ABR: variants seen among roughly 807,000 people sequenced by gnomAD.
ABR encodes the protein active breakpoint cluster region-related protein.
A neutral mutation model predicts 107.2 loss-of-function variants in ABR; 35 were observed. The observed-to-expected ratio is 0.33, with a 90% CI of 0.25 to 0.43. The LOEUF is 0.43. Ranked by LOEUF, ABR falls within the 20% of genes least tolerant of loss-of-function variation. The pLI is 1.00. For synonymous variants in ABR, 498 were observed against 462.0 expected, an observed-to-expected ratio of 1.08 and a Z score of -1.00; for missense variants, 815 against 1,115.2, an observed-to-expected ratio of 0.73 and a Z score of 3.83.
chr17:1,018,412 C>T (rs957728320), intron 16 of ABR, among the ~76,000 whole-genome samples: 4 of 152,196 alleles, frequency 2.6e-5, no homozygotes, highest in African/African-American at 7.2e-5. Context: ...TGTTTTGAGA[C>T]CACCCCTTCT....
In ABR at chr17:1,133,243, G is replaced by GAA. The variant is rs35915671; in HGVS notation, c.62-7878_62-7877dup. On this transcript the variant is annotated intron_variant, in intron 1 of 22. Transcript: ENST00000302538. ...GGCAGCAAGAGCAAAACTCCGTCTCGAAAAAAAAAAAAAAAGTTGGCCCAA... is the reference window on the plus strand; with the variant it reads ...GGCAGCAAGAGCAAAACTCCGTCTCGAAAAAAAAAAAAAAAAAGTTGGCCCAA... 1.3e-3 allele frequency among the ~76,000 whole-genome samples: 184 copies of GAA among 138,322 alleles called. No individual in the cohort carries two copies. In the Middle Eastern group the frequency reaches 0.015, roughly 11 times the overall value. The allele number at this position is 138,322 out of a possible 152,430, so 90.7% of individuals were successfully genotyped here.
At chr17:1,061,172 A>G (rs150382830) in intron 10 of ABR, among the ~76,000 whole-genome samples, 1 of 152,156 alleles carries the variant, frequency 6.6e-6, no homozygotes, top group African/African-American at 2.4e-5. Context: ...CAGGCAGCAC[A>G]GCCAGTGGGG....
chr17:1,140,543 A>G (rs1417574624), intron 1 of ABR, among the ~76,000 whole-genome samples: 1 of 152,192 alleles, frequency 6.6e-6, no homozygotes, highest in Non-Finnish European at 1.5e-5. Flanking sequence ...CACCTCACCT[A>G]CAACAATAAG....
At chr17:1,161,357 T>G (rs2041284776) in intron 1 of ABR, among the ~76,000 whole-genome samples, 1 of 151,724 alleles carries the variant, frequency 6.6e-6, no homozygotes, top group South Asian at 2.1e-4. Context: ...TCCTCCCACC[T>G]CAGCCTCCCA....
intron 16 of ABR, among the ~76,000 whole-genome samples, chr17:1,030,384 T>C (rs952462904): frequency 1.3e-5 from 2 of 152,208 alleles, no homozygotes; most frequent in Non-Finnish European, 2.9e-5. Context: ...GGCTGGTGCC[T>C]GCTGGCCTCA....
chr17:1,123,984 C>G (rs753283835), intron 2 of ABR, among the ~76,000 whole-genome samples: 17 of 152,244 alleles, frequency 1.1e-4, no homozygotes, highest in Admixed American at 7.2e-4. Context: ...CCACCTGCCC[C>G]CCGCCAGCCC....
At chr17:1,014,338 G>A (rs949099440) in intron 16 of ABR, among the ~76,000 whole-genome samples, 1 of 132,806 alleles carries the variant, frequency 7.5e-6, no homozygotes, top group African/African-American at 2.9e-5. Flanking sequence ...CTACTTGGGA[G>A]GCTGAGGCAG....
rs553512508 is a variant in ABR, at chr17:1,179,708, C to T, written c.20G>A (p.Arg7Gln). The T allele has an allele frequency of 1.3e-5, 19 of 1,465,524 alleles. 1 individual carries two copies. In the South Asian group the frequency reaches 2.2e-4, roughly 17 times the overall value. The allele number at this position is 1,465,524 out of a possible 1,614,324, so 90.8% of individuals were successfully genotyped here. Residue 7 changes from arginine (R) to glutamine (Q), a missense_variant, in exon 1 of 23, where the codon CGG (arginine) becomes CAG (glutamine). Physicochemically the swap from Arg to Gln is conservative, Grantham distance 43. Coordinates refer to ENST00000302538, the MANE Select transcript of ABR (RefSeq NM_021962.5). This position sits in a 1 kb window ranked among gnomAD's most constrained non-coding sequence, Gnocchi z 4.9. The stretch of plus-strand genomic sequence containing the variant: ...GATCCAGGACAGGCGCGGCAGGCCC[C>T]GGTGGCTGAGCGGCTCCATCCCGCG... Reference protein sequence around the residue: MEPLSHRGLPRLSWIDT... With the variant: MEPLSHQGLPRLSWIDT...
intron 13 of ABR, among the ~76,000 whole-genome samples, 171 bp from the exon 14 acceptor site, chr17:1,056,280 T>C (rs1567666454): frequency 6.6e-6 from 1 of 152,046 alleles, no homozygotes; most frequent in Non-Finnish European, 1.5e-5. Context: ...GCCTTATATG[T>C]GAGCTGCCCG....
At chr17:1,112,124 C>T (rs2038708206) in intron 2 of ABR, among the ~76,000 whole-genome samples, 1 of 152,238 alleles carries the variant, frequency 6.6e-6, no homozygotes, top group African/African-American at 2.4e-5. Context: ...CGTACTTCCC[C>T]ACTTTGGCTC....
At chr17:1,211,721 A>C (rs539665355) in intron 1 of ABR, among the ~76,000 whole-genome samples, 1 of 152,326 alleles carries the variant, frequency 6.6e-6, no homozygotes, top group African/African-American at 2.4e-5. Flanking sequence ...CAGAACCTGC[A>C]TCCTTTACTG....
At chr17:1,079,164 G>A (rs538488132) in intron 6 of ABR, 166 bp downstream of exon 6, 177 of 1,451,764 alleles carry the variant, frequency 1.2e-4, no homozygotes, top group Non-Finnish European at 1.5e-4. Flanking sequence ...TCGCGTGCGC[G>A]CACACGCGCA....
chr17:1,143,779 A>C (rs1046081964), intron 1 of ABR, among the ~76,000 whole-genome samples: 1 of 152,112 alleles, frequency 6.6e-6, no homozygotes, highest in Non-Finnish European at 1.5e-5. Flanking sequence ...AAGGAATCAT[A>C]GTTCTTGGAC....
chr17:1,012,781 G>A lies in ABR; in HGVS notation c.1868C>T (p.Ser623Phe). ...CATATCTCGGCTGGTGAATTTCATGGAAAATTCCACTTTGATCTGGTTGGG... is the reference window on the plus strand; with the variant it reads ...CATATCTCGGCTGGTGAATTTCATGAAAAATTCCACTTTGATCTGGTTGGG... ...IEMNGIKVEFSMKFTSRDMSL... is the reference protein window; with the variant it reads ...IEMNGIKVEFFMKFTSRDMSL... The change falls in exon 18 of 23, where the codon TCC (serine) becomes TTC (phenylalanine). Residue 623 changes from serine (S) to phenylalanine (F), a missense_variant. By Grantham distance (155) the Ser-to-Phe change is radical. Coordinates refer to ENST00000302538, the MANE Select transcript of ABR (RefSeq NM_021962.5). 1 of 1,588,234 alleles carries A rather than the reference G, an allele frequency of 6.3e-7. No individual in the cohort carries two copies. The highest frequency in any genetic ancestry group is 1.1e-5 in the South Asian group (1 of 87,316).
At chr17:1,043,895 C>T (rs1395024539) in intron 16 of ABR, among the ~76,000 whole-genome samples, 2 of 152,198 alleles carry the variant, frequency 1.3e-5, no homozygotes, top group African/African-American at 4.8e-5. Flanking sequence ...GAGGGAATGA[C>T]GCAGGGCCGG....
rs543077118 is a variant in ABR at position 1,221,583 on chromosome 17, A to G, written c.838+7210T>C. On this transcript the variant is annotated intron_variant, in intron 1 of 22. Transcript: ENST00000574139. ...ACTTTTTTTCAGTTTTGTCATATACAGCAAACCCCTATCGACCAATCCCAG... is the reference window on the plus strand; with the variant it reads ...ACTTTTTTTCAGTTTTGTCATATACGGCAAACCCCTATCGACCAATCCCAG... Among the ~76,000 whole-genome samples the G allele has an allele frequency of 6.5e-3, 988 of 152,290 alleles. 6 individuals are homozygous for G. The highest frequency in any genetic ancestry group is 0.011 in the Non-Finnish European group (758 of 68,032).
chr17:1,208,615 A>G (rs569211859), intron 1 of ABR, among the ~76,000 whole-genome samples: 7 of 152,310 alleles, frequency 4.6e-5, no homozygotes, highest in South Asian at 4.1e-4. Context: ...CCGGCCGGGC[A>G]CAGTGGCTCA....
At chr17:1,031,587 C>T in intron 16 of ABR, 14 of 1,229,994 alleles carry the variant, frequency 1.1e-5, no homozygotes, top group Non-Finnish European at 1.4e-5. Flanking sequence ...ACCTCCAGCC[C>T]CCGCGGGCAC....
intron 16 of ABR, among the ~76,000 whole-genome samples, chr17:1,030,829 G>C (rs1194434748): frequency 6.6e-6 from 1 of 152,254 alleles, no homozygotes; most frequent in Non-Finnish European, 1.5e-5. Context: ...CTGGCACTCT[G>C]AGACAGCTAA....
Sources: allele counts gnomAD v4.1 joint callset (sites outside exome capture counted in the v4.1 genomes callset), GRCh38; gene constraint gnomAD v4.1.1; non-coding constraint Gnocchi (gnomAD v3.1); transcripts MANE v1.5; gene names NCBI Gene and HGNC (gene_info 2026-07-23, HGNC 2026-07-21).